Variants in INTS4 observed in about 807,000 individuals in gnomAD.
INTS4 encodes MSTP093.
A neutral mutation model predicts 119.5 loss-of-function variants in INTS4; 70 were observed. The observed-to-expected ratio is 0.59, with a 90% CI of 0.48 to 0.71. The LOEUF (loss-of-function observed/expected upper bound fraction) is 0.71, where lower values mean the gene tolerates loss of function less well. Ranked by LOEUF, INTS4 falls within the 30% of genes least tolerant of loss-of-function variation. The pLI is 0.00. For synonymous variants in INTS4, 316 were observed against 419.6 expected, an observed-to-expected ratio of 0.75 and a Z score of 3.02; for missense variants, 867 against 1,173.2, an observed-to-expected ratio of 0.74 and a Z score of 3.81.
intron 18 of INTS4, among the ~76,000 whole-genome samples, chr11:77,898,955 G>A (rs1047612118): frequency 1.3e-5 from 2 of 152,210 alleles, no homozygotes; most frequent in East Asian, 1.9e-4. Context: ...GGGAACCAGA[G>A]GTTGCAGTGA....
chr11:77,937,313 T>C (rs1246046647), intron 10 of INTS4, among the ~76,000 whole-genome samples: 1 of 152,044 alleles, frequency 6.6e-6, no homozygotes. Context: ...CCCAGGCATA[T>C]CATAATCAAA....
intron 4 of INTS4, among the ~76,000 whole-genome samples, chr11:77,967,027 T>A (rs893516361): frequency 6.6e-6 from 1 of 152,228 alleles, no homozygotes; most frequent in East Asian, 1.9e-4. Context: ...GCAATAGCTA[T>A]CCTAATGGGT....
intron 1 of INTS4, among the ~76,000 whole-genome samples, chr11:77,992,047 C>G (rs1419795074): frequency 1.3e-5 from 2 of 151,416 alleles, no homozygotes; most frequent in Non-Finnish European, 2.9e-5. Flanking sequence ...TGGTTTCGAA[C>G]TTCTGGCCTC....
chr11:77,986,756 A>G (rs1031837581), intron 2 of INTS4, among the ~76,000 whole-genome samples: 1 of 145,358 alleles, frequency 6.9e-6, no homozygotes, highest in Non-Finnish European at 1.5e-5. Context: ...CAAACACCGC[A>G]TGTTCTCACT....
At chr11:77,965,387 C>T (rs929641730) in intron 4 of INTS4, among the ~76,000 whole-genome samples, 1 of 152,142 alleles carries the variant, frequency 6.6e-6, no homozygotes, top group African/African-American at 2.4e-5. Flanking sequence ...TTATTGTGGA[C>T]TATAGTCACC....
intron 15 of INTS4, among the ~76,000 whole-genome samples, chr11:77,913,937 A>G (rs1229474762): frequency 6.6e-6 from 1 of 152,156 alleles, no homozygotes; most frequent in Non-Finnish European, 1.5e-5. Context: ...GTTGTGGAGA[A>G]CCCCAGGGGT....
At chr11:77,899,470 G>A (rs1417190120) in intron 18 of INTS4, among the ~76,000 whole-genome samples, 10 of 151,994 alleles carry the variant, frequency 6.6e-5, no homozygotes, top group African/African-American at 2.4e-4. Context: ...TCAGGAGTTC[G>A]AGACCAGCCT....
chr11:77,879,212 T>C, intron 22 of INTS4, 85 bp from the exon 23 acceptor site: 1 of 1,459,264 alleles, frequency 6.9e-7, no homozygotes, highest in Non-Finnish European at 9.3e-7. Context: ...AATATCAAAA[T>C]GGAAGCAGTA....
chr11:77,894,765 C>T (rs1443451731), intron 18 of INTS4, among the ~76,000 whole-genome samples: 2 of 152,194 alleles, frequency 1.3e-5, no homozygotes, highest in Non-Finnish European at 2.9e-5. Context: ...GAGCTGTCAG[C>T]ATTGGGATGA....
intron 19 of INTS4, 136 bp from the exon 20 acceptor site, chr11:77,891,976 A>G: frequency 1.4e-6 from 2 of 1,403,794 alleles, no homozygotes; most frequent in East Asian, 2.3e-5. Context: ...CGACCAAGAT[A>G]GACTGGTACC....
At position 77,878,856 on chromosome 11, in the gene INTS4, A is replaced by G. The variant is rs1951682394; in HGVS notation, c.*93T>C. 1 of 886,578 alleles carries G rather than the reference A, an allele frequency of 1.1e-6. No homozygotes were observed. Among genetic ancestry groups the G allele is most frequent in the Non-Finnish European group, 1.9e-6 (1 of 523,182 alleles). 54.9% of individuals were successfully genotyped at this position (886,578 alleles called of 1,614,324 possible). A position where few individuals can be genotyped will look rare whatever the true frequency, so the allele number is the denominator to read the frequency against. ...TAAGGGTCACATACTCCTTAAGCCT[A>G]CACATCAATTCCAGGTGAAGTGCTT... On this transcript the variant is annotated 3_prime_UTR_variant, in exon 23 of 23. Transcript: ENST00000534064.
chr11:77,954,284 A>T (rs536079032), intron 8 of INTS4, among the ~76,000 whole-genome samples: 145 of 150,948 alleles, frequency 9.6e-4, no homozygotes, highest in South Asian at 1.3e-3. Flanking sequence ...ACAGCATTTT[A>T]AAAAAAAAAT....
intron 10 of INTS4, among the ~76,000 whole-genome samples, chr11:77,934,296 TG>T (rs1953736901): frequency 6.6e-6 from 1 of 151,846 alleles, no homozygotes; most frequent in Admixed American, 6.6e-5. Flanking sequence ...CAGAGACCCT[TG>T]TTCACTTGCT....
At position 77,891,947 on chromosome 11, in the gene INTS4, G is replaced by A. The variant is rs981761346; in HGVS notation, c.2289-107C>T. ...CCTGAAGTAGGAAGAATGATGAAGT[G>A]AGAGGAGCTTGCAGTTTACGACCAA... On this transcript the variant is annotated intron_variant, in intron 19 of 22. Coordinates refer to ENST00000534064, the MANE Select transcript of INTS4 (RefSeq NM_033547.4). 3.9e-6 allele frequency: 6 copies of A among 1,558,000 alleles called. No individual in the cohort carries two copies. The Admixed American group carries it at 9.2e-5, about 24-fold the overall frequency.
chr11:77,937,626 C>T (rs955660549), intron 10 of INTS4, among the ~76,000 whole-genome samples: 1 of 152,024 alleles, frequency 6.6e-6, no homozygotes, highest in Non-Finnish European at 1.5e-5. Flanking sequence ...TGCTTCTGGT[C>T]CCAGCTACTC....
At position 77,902,502 on chromosome 11, in the gene INTS4, A is replaced by T. The variant is rs868788550; in HGVS notation, c.2098-951T>A. On this transcript the variant is annotated intron_variant, in intron 17 of 22. Transcript: ENST00000534064. ...CTGTAGTAGAAAACAGATTCTGGGT[A>T]TCAGAGGATCTGGTCTCAAGTCCTG... Among the ~76,000 whole-genome samples, 6 of 152,328 alleles carry T rather than the reference A, an allele frequency of 3.9e-5. No homozygotes were observed. The Middle Eastern group carries it at 0.017, about 432-fold the overall frequency.
rs530333691 is a variant in INTS4 at position 77,993,229 on chromosome 11, C to A, written c.54+1361G>T. On this transcript the variant is annotated intron_variant, in intron 1 of 22. Transcript: ENST00000534064. ...CCGACTGGTGGGAAGATAGGTACAC[C>A]GGTAATGACAGCAGCACTGAACAAA... 1.6e-4 allele frequency among the ~76,000 whole-genome samples: 25 copies of A among 152,256 alleles called. No individual in the cohort carries two copies. The East Asian group carries it at 4.8e-3, about 29-fold the overall frequency.
rs547532500 is a variant in INTS4 at position 77,950,969 on chromosome 11, G to A, written c.918+4973C>T. On this transcript the variant is annotated intron_variant, in intron 8 of 22. Coordinates refer to ENST00000534064, the MANE Select transcript of INTS4 (RefSeq NM_033547.4). Reference sequence around the variant, plus strand: ...TTCCCACCTATGAGTGAGAACAGGCGGTGTTTGGATTTTTTGTCCTTGTGA... The same window carrying A: ...TTCCCACCTATGAGTGAGAACAGGCAGTGTTTGGATTTTTTGTCCTTGTGA... Among the ~76,000 whole-genome samples the A allele has an allele frequency of 2.3e-3, 350 of 149,318 alleles. 1 individual carries two copies. The highest frequency in any genetic ancestry group is 7.9e-3 in the African/African-American group (320 of 40,494).
chr11:77,878,988 A>G lies in INTS4; in HGVS notation c.2853T>C (p.Pro951=), dbSNP rs1951687540. ...SIEGTIPFSK[P]VKVYIMPKPA... is the part of the protein sequence containing the mutation. ...GTTTGGGCATTATATAAACTTTTAC[A>G]GGCTTGCTGAAGGGAATGGTGCCCT... The change falls in exon 23 of 23, where the codon CCT becomes CCC. Residue 951 remains proline, a synonymous_variant. Transcript: ENST00000534064. 6.2e-7 allele frequency: 1 copy of G among 1,614,100 alleles called. No homozygotes were observed. The highest frequency in any genetic ancestry group is 2.2e-5 in the East Asian group (1 of 44,876).
Sources: allele counts gnomAD v4.1 joint callset (sites outside exome capture counted in the v4.1 genomes callset), GRCh38; gene constraint gnomAD v4.1.1; transcripts MANE v1.5; gene names NCBI Gene and HGNC (gene_info 2026-07-23, HGNC 2026-07-21).